The following WASF2 variants were observed in gnomAD, a reference collection of about 807,000 sequenced individuals.
The protein encoded by WASF2 is WASP family member 2.
Under a neutral mutation model 45.0 loss-of-function variants are expected in WASF2, and 14 were observed. That is an observed-to-expected ratio of 0.31 (90% confidence interval 0.21 to 0.49). The LOEUF (loss-of-function observed/expected upper bound fraction) is 0.49. Ranked by LOEUF, WASF2 falls within the 20% of genes least tolerant of loss-of-function variation. The pLI is 0.99. For missense variants in WASF2, 439 were observed against 636.1 expected, an observed-to-expected ratio of 0.69 and a Z score of 3.33; for synonymous variants, 200 against 236.3, an observed-to-expected ratio of 0.85 and a Z score of 1.41.
At chr1:27,476,997 G>C (rs2148141590) in intron 1 of WASF2, among the ~76,000 whole-genome samples, 1 of 152,276 alleles carries the variant, frequency 6.6e-6, no homozygotes. Flanking sequence ...GGGTTTCAAA[G>C]TCCCTAGACT....
At position 27,414,500 on chromosome 1, in the gene WASF2, G is replaced by A. The variant is rs1292172144; in HGVS notation, c.668+333C>T. Among the ~76,000 whole-genome samples, 2 of 152,106 alleles carry A rather than the reference G, an allele frequency of 1.3e-5. No individual in the cohort carries two copies. Among genetic ancestry groups the A allele is most frequent in the African/African-American group, 2.4e-5 (1 of 41,402 alleles). On this transcript the variant is annotated intron_variant, in intron 6 of 8. Transcript: ENST00000618852. The surrounding 1 kb of genome is among the most constrained non-coding windows in gnomAD (Gnocchi z 4.1). ...ATGACCTTCAAATCAATGCTCTGGA[G>A]GCAAAGGATTCCCAAGACCACTTTT...
chr1:27,475,938 G>A (rs2017760424), intron 1 of WASF2, among the ~76,000 whole-genome samples: 1 of 152,094 alleles, frequency 6.6e-6, no homozygotes, highest in Admixed American at 6.6e-5. Context: ...ACTACACCCA[G>A]CCTTATTTAT....
At chr1:27,437,376 G>T (rs1284558772) in intron 1 of WASF2, among the ~76,000 whole-genome samples, 1 of 152,134 alleles carries the variant, frequency 6.6e-6, no homozygotes, top group African/African-American at 2.4e-5. Flanking sequence ...GGCAATCGGG[G>T]ATAAAATTTC....
At chr1:27,412,826 A>C (rs2016782551) in intron 6 of WASF2, 99 bp from the exon 7 acceptor site, 3 of 1,375,840 alleles carry the variant, frequency 2.2e-6, no homozygotes, top group Non-Finnish European at 3.1e-6. Context: ...TACAAAAGCT[A>C]TTAGGGAGAA....
chr1:27,487,556 A>C lies in WASF2; in HGVS notation c.-44+2430T>G, dbSNP rs1324382973. Among the ~76,000 whole-genome samples the C allele has an allele frequency of 9.5e-5, 10 of 105,222 alleles. No individual in the cohort carries two copies. The Admixed American group carries it at 1.5e-3, about 16-fold the overall frequency. 69.0% of individuals were successfully genotyped at this position (105,222 alleles called of 152,430 possible). ...ACAATATATAATATATATTATATAT[A>C]TTTTATACAATATATAATATATATT... On this transcript the variant is annotated intron_variant, in intron 1 of 8. Transcript: ENST00000618852.
chr1:27,409,611 C>G (rs1437095265), intron 8 of WASF2, 81 bp downstream of exon 8: 5 of 1,383,210 alleles, frequency 3.6e-6, no homozygotes, highest in Non-Finnish European at 4.7e-6. Context: ...GCACAGGGAC[C>G]CCCTCACCCA....
chr1:27,454,177 ATATATATATATT>A (rs2017431119), intron 1 of WASF2, among the ~76,000 whole-genome samples: 5 of 19,926 alleles, frequency 2.5e-4, no homozygotes, highest in Admixed American at 8.1e-4. Flanking sequence ...ATATATATAT[ATATATATATATT>A]TTTTTTTTTT....
intron 1 of WASF2, among the ~76,000 whole-genome samples, chr1:27,454,125 G>GTA (rs201332321): frequency 0.047 from 4,192 of 88,878 alleles, 381 homozygotes; most frequent in East Asian, 0.33. Flanking sequence ...ATATATGTGT[G>GTA]TATATATATA....
chr1:27,413,056 T>C (rs1261570231), intron 6 of WASF2, among the ~76,000 whole-genome samples: 1 of 152,176 alleles, frequency 6.6e-6, no homozygotes, highest in African/African-American at 2.4e-5. Flanking sequence ...GGTGCAGATA[T>C]ACCTGAATCC....
intron 1 of WASF2, among the ~76,000 whole-genome samples, chr1:27,471,395 G>C (rs1209395658): frequency 6.7e-6 from 1 of 150,092 alleles, no homozygotes; most frequent in Non-Finnish European, 1.5e-5. Context: ...CCTCAAACCT[G>C]TGATCCCAGC....
intron 1 of WASF2, among the ~76,000 whole-genome samples, chr1:27,462,134 T>C (rs2017554356): frequency 6.6e-6 from 1 of 151,828 alleles, no homozygotes; most frequent in Admixed American, 6.6e-5. Context: ...CATGCCACCG[T>C]TCCCGGCGAA....
chr1:27,455,689 AC>A (rs761205545), intron 1 of WASF2, among the ~76,000 whole-genome samples: 9 of 152,124 alleles, frequency 5.9e-5, no homozygotes, highest in Non-Finnish European at 1.3e-4. Context: ...TTCCTGGATT[AC>A]TTACCTTTTT....
intron 1 of WASF2, among the ~76,000 whole-genome samples, chr1:27,449,777 C>T (rs761849646): frequency 1.6e-4 from 25 of 152,020 alleles, no homozygotes; most frequent in Non-Finnish European, 3.4e-4. Context: ...TGGCATCCCA[C>T]CAGGTCACGA....
chr1:27,417,948 G>A (rs1327449241), intron 4 of WASF2, among the ~76,000 whole-genome samples: 1 of 151,972 alleles, frequency 6.6e-6, no homozygotes, highest in African/African-American at 2.4e-5. Context: ...AAGTCCTTTT[G>A]GTTCTATAAT....
rs866645579 is a variant in WASF2, at chr1:27,418,954, C to T, written c.265G>A (p.Val89Met). 41 of 1,613,064 alleles carry T rather than the reference C, an allele frequency of 2.5e-5. No individual in the cohort carries two copies. Among genetic ancestry groups the T allele is most frequent in the Non-Finnish European group, 3.5e-5 (41 of 1,179,446 alleles). Residue 89 changes from valine (V) to methionine (M), a missense_variant and splice_region_variant, in exon 3 of 9, where the codon GTG (valine) becomes ATG (methionine). Val to Met is a conservative substitution (Grantham distance 21). This residue lies in a region of WASF2 where 98 missense variants were observed against 120.7 expected (regional missense o/e 0.81). Coordinates refer to ENST00000618852, the MANE Select transcript of WASF2 (RefSeq NM_006990.5). ...VTQLDPKEEE[V>M]SLQGINTRKA... ...CAAATGCTGAGCTCAGCTTTCTTAC[C>T]TTCTTCTTCCTTGGGATCCAGCTGA...
intron 8 of WASF2, 64 bp downstream of exon 8, chr1:27,409,628 A>C: frequency 1.4e-6 from 2 of 1,399,774 alleles, no homozygotes; most frequent in Non-Finnish European, 1.9e-6. Flanking sequence ...CCCATCCCCC[A>C]ATCAGTCATC....
At chr1:27,467,639 G>A (rs1160629312) in intron 1 of WASF2, among the ~76,000 whole-genome samples, 4 of 151,128 alleles carry the variant, frequency 2.6e-5, no homozygotes, top group East Asian at 2.0e-4. Flanking sequence ...TCCGGGGGGC[G>A]CAGTGGCTCA....
chr1:27,487,351 G>A (rs1020022762), intron 1 of WASF2, among the ~76,000 whole-genome samples: 5 of 140,442 alleles, frequency 3.6e-5, no homozygotes, highest in African/African-American at 1.0e-4. Flanking sequence ...CACCCGCCTC[G>A]GCCTCCCAGA....
In WASF2 at chr1:27,404,876, A is replaced by G. The variant is rs2016642879; in HGVS notation, c.*3313T>C. The G allele has an allele frequency of 6.6e-6, 1 of 152,346 alleles. No homozygotes were observed. Among genetic ancestry groups the G allele is most frequent in the South Asian group, 2.1e-4 (1 of 4,836 alleles). The allele number at this position is 152,346 out of a possible 1,614,324, so 9.4% of individuals were successfully genotyped here. Reference sequence around the variant, plus strand: ...TCTGCGCGACACCTGGTCCCAGGTCAGTTGGACCCCAGCAGGGCTCAAAGC... The same window carrying G: ...TCTGCGCGACACCTGGTCCCAGGTCGGTTGGACCCCAGCAGGGCTCAAAGC... On this transcript the variant is annotated 3_prime_UTR_variant, in exon 9 of 9. Transcript: ENST00000618852.
Sources: gnomAD v4.1 joint callset for allele counts (sites outside exome capture counted in the v4.1 genomes callset) on GRCh38, gnomAD v4.1.1 for gene constraint, gnomAD v4.1.1 regional missense constraint, Gnocchi (gnomAD v3.1) non-coding constraint, MANE v1.5 for transcripts, NCBI Gene and HGNC (gene_info 2026-07-23, HGNC 2026-07-21) for gene names.